Variants in INTS12 observed in about 807,000 individuals in gnomAD.
INTS12 encodes integrator complex subunit 12, also known as PHD finger protein 22.
In INTS12, 13 loss-of-function variants were observed where a neutral mutation model predicts 41.6. The ratio of observed to expected loss-of-function variants is 0.31; its 90% CI spans 0.20 to 0.50. The LOEUF (loss-of-function observed/expected upper bound fraction) is 0.50, where lower values mean the gene tolerates loss of function less well. Among genes scored for constraint, INTS12 ranks in the 20% least tolerant of loss-of-function variants. INTS12 has a pLI of 0.98. For synonymous variants in INTS12, 199 were observed against 191.4 expected (o/e 1.04, Z -0.33); for missense variants, 432 against 541.6 (o/e 0.80, Z 2.01).
Position 105,683,322 on chromosome 4 carries a change from A to C in INTS12, c.805-5T>G. 1 of 1,590,628 alleles carries C rather than the reference A, an allele frequency of 6.3e-7. No homozygotes were observed. The highest frequency in any genetic ancestry group is 1.1e-5 in the South Asian group (1 of 88,896). Reference sequence around the variant, plus strand: ...TCCTGAAATAACTGTGGATGTCTAAAAAAATAAAGTAAATAATTACATTAG... The same window carrying C: ...TCCTGAAATAACTGTGGATGTCTAACAAAATAAAGTAAATAATTACATTAG... On this transcript the variant is annotated splice_region_variant and splice_polypyrimidine_tract_variant and intron_variant, in intron 7 of 7. Transcript: ENST00000340139.
chr4:105,692,918 C>T (rs1731740302), intron 5 of INTS12, among the ~76,000 whole-genome samples: 1 of 152,134 alleles, frequency 6.6e-6, no homozygotes. Context: ...AATGTCTGAT[C>T]AGATTAATAG....
At chr4:105,686,562 T>C in intron 7 of INTS12, 130 bp downstream of exon 7, 1 of 631,284 alleles carries the variant, frequency 1.6e-6, no homozygotes, top group Middle Eastern at 4.3e-4. Flanking sequence ...ATAATAGTAG[T>C]AAAGTCTTAA....
At position 105,683,259 on chromosome 4, in the gene INTS12, C is replaced by T; in HGVS notation, c.863G>A (p.Ser288Asn). ...AAAAGCTGCCCATCCAGTTAAGCCA[C>T]TAGTTACTGACGAGGAAACGCTGGC... is the stretch of plus-strand genomic sequence containing the variant. ...SSASVSSSVT[S>N]GLTGWAAFAA... The change falls in exon 8 of 8, where the codon AGT becomes AAT. Residue 288 changes from serine to asparagine, a missense_variant. By Grantham distance (46) the Ser-to-Asn change is conservative. Coordinates refer to ENST00000340139, the MANE Select transcript of INTS12 (RefSeq NM_020395.4). 1.2e-6 allele frequency: 2 copies of T among 1,613,934 alleles called. No individual in the cohort carries two copies. The highest frequency in any genetic ancestry group is 1.7e-6 in the Non-Finnish European group (2 of 1,179,936).
At position 105,700,016 on chromosome 4, in the gene INTS12, TG is replaced by T; in HGVS notation, c.-9-3del. On this transcript the variant is annotated splice_polypyrimidine_tract_variant and splice_region_variant and intron_variant, in intron 2 of 7. Transcript: ENST00000340139. ...CACAGTAGCAGCCATTGCAAACGCC[TG>T]AAGGAAAAAAAGAGAAAGTAATCTA... is the stretch of plus-strand genomic sequence containing the variant. 6.8e-7 allele frequency: 1 copy of T among 1,466,002 alleles called. No individual in the cohort carries two copies. Among genetic ancestry groups the T allele is most frequent in the Non-Finnish European group, 9.1e-7 (1 of 1,094,006 alleles). 90.8% of individuals were successfully genotyped at this position (1,466,002 alleles called of 1,614,324 possible).
chr4:105,698,419 A>G (rs541756799), intron 3 of INTS12, among the ~76,000 whole-genome samples: 40 of 152,312 alleles, frequency 2.6e-4, no homozygotes, highest in African/African-American at 9.1e-4. Flanking sequence ...AAAACCTATA[A>G]CAAAGTAGTT....
intron 4 of INTS12, 40 bp downstream of exon 4, chr4:105,695,476 T>G: frequency 1.3e-6 from 2 of 1,505,634 alleles, no homozygotes; most frequent in South Asian, 1.2e-5. Flanking sequence ...ATGGAACAAC[T>G]AATTTACTTT....
chr4:105,693,380 G>A lies in INTS12; in HGVS notation c.416C>T (p.Pro139Leu). Reference protein sequence around the residue: ...PITVQSSKDLPMADLSSFEET... With the variant: ...PITVQSSKDLLMADLSSFEET... ...CTCAAAACTGGAAAGGTCAGCCATA[G>A]GTAAATCCTTGCTACTTTGGACAGT... Residue 139 changes from proline to leucine, a missense_variant, in exon 5 of 8, where the codon CCT becomes CTT. Pro to Leu is a moderately conservative substitution (Grantham distance 98). Coordinates refer to ENST00000340139, the MANE Select transcript of INTS12 (RefSeq NM_020395.4). 2 of 1,614,084 alleles carry A rather than the reference G, an allele frequency of 1.2e-6. No homozygotes were observed. The highest frequency in any genetic ancestry group is 1.7e-6 in the Non-Finnish European group (2 of 1,179,978).
At chr4:105,694,825 G>C (rs1446314340) in intron 4 of INTS12, among the ~76,000 whole-genome samples, 2 of 152,058 alleles carry the variant, frequency 1.3e-5, no homozygotes, top group Non-Finnish European at 2.9e-5. Flanking sequence ...TCTAAAAATA[G>C]ACAATCCAAG....
intron 4 of INTS12, 108 bp downstream of exon 4, chr4:105,695,408 T>C: frequency 1.3e-6 from 1 of 761,588 alleles, no homozygotes; most frequent in Non-Finnish European, 2.0e-6. Context: ...GATTATTATA[T>C]ACCTATACCC....
intron 3 of INTS12, among the ~76,000 whole-genome samples, chr4:105,698,117 C>A (rs1197836791): frequency 2.0e-5 from 3 of 152,156 alleles, no homozygotes; most frequent in Non-Finnish European, 4.4e-5. Flanking sequence ...CAAAGTCATG[C>A]AGTATTAAAC....
intron 4 of INTS12, 91 bp from the exon 5 acceptor site, chr4:105,693,577 T>C (rs1328063411): frequency 2.0e-6 from 2 of 1,001,860 alleles, no homozygotes; most frequent in Admixed American, 2.0e-5. Context: ...CAATTGGCAA[T>C]GAACAAGTCC....
chr4:105,695,014 T>A (rs532487917), intron 4 of INTS12, among the ~76,000 whole-genome samples: 3 of 151,776 alleles, frequency 2.0e-5, no homozygotes, highest in African/African-American at 7.2e-5. Context: ...AATCTCTGCC[T>A]CCTGGGCTCA....
intron 6 of INTS12, among the ~76,000 whole-genome samples, chr4:105,687,927 T>C (rs1731552473): frequency 6.6e-6 from 1 of 152,084 alleles, no homozygotes; most frequent in African/African-American, 2.4e-5. Flanking sequence ...CCCTCCAGCC[T>C]GGGCAACAAG....
chr4:105,708,611 G>C, intron 1 of INTS12, 27 bp downstream of exon 1: 3 of 985,236 alleles, frequency 3.0e-6, no homozygotes, highest in Non-Finnish European at 3.6e-6. Flanking sequence ...CAGGAGGCCA[G>C]GAGCAGAGTC....
chr4:105,683,036 T>C lies in INTS12; in HGVS notation c.1086A>G (p.Pro362=). ...NSTTPTVPLK[P]PPPLTLGKTG... is the part of the protein sequence containing the mutation. ...TTTTACCCAAGGTTAGAGGTGGAGG[T>C]GGTTTTAAAGGTACAGTGGGCGTAG... The change falls in exon 8 of 8, where the codon CCA becomes CCG. Residue 362 remains proline (P), a synonymous_variant. Transcript: ENST00000340139. 1 of 1,614,016 alleles carries C rather than the reference T, an allele frequency of 6.2e-7. No individual in the cohort carries two copies. The highest frequency in any genetic ancestry group is 8.5e-7 in the Non-Finnish European group (1 of 1,179,956).
chr4:105,700,994 T>C (rs1732051143), intron 2 of INTS12, among the ~76,000 whole-genome samples: 1 of 152,200 alleles, frequency 6.6e-6, no homozygotes, highest in African/African-American at 2.4e-5. Flanking sequence ...AAATCTTCTA[T>C]CCTTGAGGTT....
intron 6 of INTS12, among the ~76,000 whole-genome samples, chr4:105,690,265 T>C (rs1025991257): frequency 6.6e-6 from 1 of 152,132 alleles, no homozygotes; most frequent in Non-Finnish European, 1.5e-5. Context: ...TCCTAATGAG[T>C]ATAATCTCAT....
At chr4:105,698,722 G>C (rs1464542437) in intron 3 of INTS12, among the ~76,000 whole-genome samples, 1 of 152,156 alleles carries the variant, frequency 6.6e-6, no homozygotes, top group South Asian at 2.1e-4. Context: ...CAATGGTTCT[G>C]CTATTCAAAA....
chr4:105,692,164 C>G (rs778714209), intron 5 of INTS12, 29 bp from the exon 6 acceptor site: 32 of 1,595,714 alleles, frequency 2.0e-5, no homozygotes, highest in Admixed American at 5.1e-5. Flanking sequence ...AAACATTACA[C>G]TACTTTTTTA....
Sources: allele counts gnomAD v4.1 joint callset (sites outside exome capture counted in the v4.1 genomes callset), GRCh38; gene constraint gnomAD v4.1.1; transcripts MANE v1.5; gene names NCBI Gene and HGNC (gene_info 2026-07-23, HGNC 2026-07-21).